STON2: variants seen among roughly 807,000 people sequenced by gnomAD.
STON2 encodes the protein stonin-2.
Under a neutral mutation model 65.7 loss-of-function variants are expected in STON2, and 29 were observed. That is an observed-to-expected ratio of 0.44 (90% CI 0.33 to 0.60). The LOEUF (loss-of-function observed/expected upper bound fraction) is 0.60, where lower values mean the gene tolerates loss of function less well. Among genes scored for constraint, STON2 ranks in the 20% least tolerant of loss-of-function variants. The pLI is 0.03. For synonymous variants in STON2, 404 were observed against 414.2 expected (o/e 0.98, Z 0.30); for missense variants, 1,054 against 1,118.1 (o/e 0.94, Z 0.82).
At chr14:81,274,915 A>G (rs549524533) in intron 6 of STON2, among the ~76,000 whole-genome samples, 1 of 152,090 alleles carries the variant, frequency 6.6e-6, no homozygotes, top group Admixed American at 6.5e-5. Flanking sequence ...AAAAAAACAA[A>G]CAAACAAACA....
In STON2 at chr14:81,408,136, A is replaced by AACACACACACACACAC. The variant is rs149914558; in HGVS notation, c.-198-9572_-198-9557dup. Among the ~76,000 whole-genome samples the AACACACACACACACAC allele has an allele frequency of 5.2e-3, 773 of 149,084 alleles. 13 individuals are homozygous for AACACACACACACACAC. Among genetic ancestry groups the AACACACACACACACAC allele is most frequent in the African/African-American group, 0.018 (741 of 40,398 alleles). On this transcript the variant is annotated intron_variant, in intron 2 of 8. Transcript: ENST00000553821. ...AAAACCTGAACAGAGTTCACTGAAG[A>AACACACACACACACAC]ACACACACACACACACACACACGCG...
At chr14:81,373,996 T>G (rs1487042375) in intron 3 of STON2, among the ~76,000 whole-genome samples, 2 of 134,586 alleles carry the variant, frequency 1.5e-5, no homozygotes, top group Admixed American at 8.0e-5. Flanking sequence ...ACTATAATAA[T>G]GCCTTTTTTT....
Position 81,337,353 on chromosome 14 carries a change from T to A in STON2, c.572-13166A>T, listed in dbSNP as rs369058935. 1.8e-4 allele frequency among the ~76,000 whole-genome samples: 28 copies of A among 152,328 alleles called. 1 individual carries two copies. In the East Asian group the frequency reaches 3.1e-3, roughly 17 times the overall value. On this transcript the variant is annotated intron_variant, in intron 4 of 7. Transcript: ENST00000614646. ...TGTTAGCAGATAATTATTGAGCATC[T>A]ACTATGTGCCAGGCACCGGTGATAC...
In STON2 at chr14:81,263,122, A is replaced by G. The variant is rs1158941249; in HGVS notation, c.*5292T>C. On this transcript the variant is annotated 3_prime_UTR_variant, in exon 8 of 8. Coordinates refer to ENST00000614646, the MANE Select transcript of STON2 (RefSeq NM_001394390.1). ...TTTTTTGTGGATTTAATTTTTTGTTAGTTTTGCTTGAAATTCCTGTTAAAT... is the reference window on the plus strand; with the variant it reads ...TTTTTTGTGGATTTAATTTTTTGTTGGTTTTGCTTGAAATTCCTGTTAAAT... The G allele has an allele frequency of 6.1e-6, 6 of 985,352 alleles. No homozygotes were observed. The highest frequency in any genetic ancestry group is 7.2e-6 in the Non-Finnish European group (6 of 829,902). 61.0% of individuals were successfully genotyped at this position (985,352 alleles called of 1,614,324 possible).
chr14:81,302,376 G>C (rs1043530106), intron 5 of STON2, among the ~76,000 whole-genome samples: 1 of 152,228 alleles, frequency 6.6e-6, no homozygotes, highest in Non-Finnish European at 1.5e-5. Context: ...GTGATGGAAA[G>C]TCTCACTTGG....
In STON2 at chr14:81,263,984, A is replaced by G. The variant is rs533339818; in HGVS notation, c.*4430T>C. 1.0e-6 allele frequency: 1 copy of G among 985,432 alleles called. No homozygotes were observed. The highest frequency in any genetic ancestry group is 1.7e-5 in the African/African-American group (1 of 57,366). The allele number at this position is 985,432 out of a possible 1,614,324, so 61.0% of individuals were successfully genotyped here. ...TGTGGTGACAAAATAAATGCAAAGTAACGGTCAGCGGTTAGTGCTGGAAGA... is the reference window on the plus strand; with the variant it reads ...TGTGGTGACAAAATAAATGCAAAGTGACGGTCAGCGGTTAGTGCTGGAAGA... On this transcript the variant is annotated 3_prime_UTR_variant, in exon 8 of 8. Coordinates refer to ENST00000614646, the MANE Select transcript of STON2 (RefSeq NM_001394390.1).
intron 3 of STON2, among the ~76,000 whole-genome samples, chr14:81,390,436 T>C (rs1382227722): frequency 6.6e-6 from 1 of 152,100 alleles, no homozygotes; most frequent in African/African-American, 2.4e-5. Flanking sequence ...GAGTAAATTA[T>C]AAGGAGCTGT....
At chr14:81,314,839 C>T (rs952887148) in intron 5 of STON2, among the ~76,000 whole-genome samples, 4 of 152,248 alleles carry the variant, frequency 2.6e-5, no homozygotes, top group Middle Eastern at 3.4e-3. Flanking sequence ...AAAAATAATA[C>T]CTCTTTGTTT....
At chr14:81,291,901 ACG>A (rs372002927) in intron 5 of STON2, among the ~76,000 whole-genome samples, 1 of 147,368 alleles carries the variant, frequency 6.8e-6, no homozygotes, top group Non-Finnish European at 1.5e-5. Context: ...ACACACACAC[ACG>A]GATATCACCT....
At position 81,390,188 on chromosome 14, in the gene STON2, C is replaced by T. The variant is rs1900011923; in HGVS notation, c.373+5706G>A. 4.2e-5 allele frequency among the ~76,000 whole-genome samples: 6 copies of T among 142,270 alleles called. No homozygotes were observed. The Admixed American group carries it at 4.3e-4, about 10-fold the overall frequency. 93.3% of individuals were successfully genotyped at this position (142,270 alleles called of 152,430 possible). A position where few individuals can be genotyped will look rare whatever the true frequency, so the allele number is the denominator to read the frequency against. On this transcript the variant is annotated intron_variant, in intron 3 of 7. Coordinates refer to ENST00000614646, the MANE Select transcript of STON2 (RefSeq NM_001394390.1). Reference sequence around the variant, plus strand: ...CAGCCTGAGTGACAGAGTGAGACTCCATTTCAAAAAAAAAAAAAAAGAAAA... The same window carrying T: ...CAGCCTGAGTGACAGAGTGAGACTCTATTTCAAAAAAAAAAAAAAAGAAAA...
At chr14:81,406,538 T>C (rs1427545748) in intron 2 of STON2, among the ~76,000 whole-genome samples, 1 of 152,204 alleles carries the variant, frequency 6.6e-6, no homozygotes, top group African/African-American at 2.4e-5. Flanking sequence ...TCACAGGGAC[T>C]GAAATAATTA....
chr14:81,261,295 C>T lies in STON2; in HGVS notation c.*7119G>A, dbSNP rs1162593777. 6.6e-6 allele frequency: 1 copy of T among 152,318 alleles called. No homozygotes were observed. Among genetic ancestry groups the T allele is most frequent in the Non-Finnish European group, 1.5e-5 (1 of 68,164 alleles). 9.4% of individuals were successfully genotyped at this position (152,318 alleles called of 1,614,324 possible). ...GCTTCAGTCATGGTGTGGGGCTAGA[C>T]AGCATCCCCAACTAGAATTGAGGGT... On this transcript the variant is annotated 3_prime_UTR_variant, in exon 8 of 8. Transcript: ENST00000614646.
Position 81,398,282 on chromosome 14 carries a change from A to C in STON2, c.88+13T>G, listed in dbSNP as rs986729850. 51 of 1,597,286 alleles carry C rather than the reference A, an allele frequency of 3.2e-5. No individual in the cohort carries two copies. The East Asian group carries it at 1.1e-3, about 36-fold the overall frequency. ...ACAATCTCTTCACTTTAGGAAACGA[A>C]GGCACTCCTTACCCTGCGAGTGGGC... is the stretch of plus-strand genomic sequence containing the variant. On this transcript the variant is annotated intron_variant, in intron 2 of 7. Transcript: ENST00000614646.
At position 81,422,805 on chromosome 14, in the gene STON2, G is replaced by A. The variant is rs568332798; in HGVS notation, c.-199+4297C>T. Among the ~76,000 whole-genome samples, 13 of 152,174 alleles carry A rather than the reference G, an allele frequency of 8.5e-5. 1 individual carries two copies. The highest frequency in any genetic ancestry group is 4.2e-4 in the South Asian group (2 of 4,816). On this transcript the variant is annotated intron_variant, in intron 2 of 8. Transcript: ENST00000553821. ...TCGCAGCACTTTGGGAGGCTGAGGCGGGCAGATCACGAGGTCAGGAGTTCA... is the reference window on the plus strand; with the variant it reads ...TCGCAGCACTTTGGGAGGCTGAGGCAGGCAGATCACGAGGTCAGGAGTTCA...
At chr14:81,325,021 G>C (rs553011608) in intron 4 of STON2, among the ~76,000 whole-genome samples, 1 of 152,262 alleles carries the variant, frequency 6.6e-6, no homozygotes, top group East Asian at 1.9e-4. Flanking sequence ...AGGGAACTTG[G>C]CTCATGCTGG....
intron 4 of STON2, chr14:81,333,405 GC>G: frequency 2.5e-6 from 1 of 395,546 alleles, no homozygotes; most frequent in Non-Finnish European, 4.6e-6. Flanking sequence ...TATTCTAAGA[GC>G]TTTAAATACG....
intron 4 of STON2, among the ~76,000 whole-genome samples, chr14:81,340,296 G>A (rs918857548): frequency 6.6e-6 from 1 of 152,178 alleles, no homozygotes; most frequent in Non-Finnish European, 1.5e-5. Context: ...TAGGGGTGGG[G>A]TGGGGGACAG....
chr14:81,347,902 C>CAAAAAAAAAAAAA (rs755109204), intron 4 of STON2, among the ~76,000 whole-genome samples: 44 of 51,534 alleles, frequency 8.5e-4, no homozygotes, highest in South Asian at 1.9e-3. Flanking sequence ...TGTCTCTTAC[C>CAAAAAAAAAAAAA]AAAAAAAAAA....
chr14:81,288,225 A>T (rs781366982), intron 5 of STON2, among the ~76,000 whole-genome samples: 86 of 152,192 alleles, frequency 5.7e-4, no homozygotes, highest in Non-Finnish European at 1.1e-3. Context: ...TTTCAACTGT[A>T]GAGTGTATCG....
Sources: allele counts gnomAD v4.1 joint callset (sites outside exome capture counted in the v4.1 genomes callset), GRCh38; gene constraint gnomAD v4.1.1; transcripts MANE v1.5; gene names NCBI Gene and HGNC (gene_info 2026-07-23, HGNC 2026-07-21).